The following CSPP1 variants were observed in gnomAD, a reference collection of about 807,000 sequenced individuals.
CSPP1 encodes the protein centrosome and spindle pole-associated protein 1.
A neutral mutation model predicts 164.4 loss-of-function variants in CSPP1; 126 were observed. That is an observed-to-expected ratio of 0.77 (90% CI 0.66 to 0.89). The LOEUF (loss-of-function observed/expected upper bound fraction) is 0.89, where lower values mean the gene tolerates loss of function less well. CSPP1 is among the 40% of genes least tolerant of loss of function. The pLI, the probability that CSPP1 is intolerant of heterozygous loss-of-function variation, is 0.00. For synonymous variants in CSPP1, 472 were observed against 476.7 expected (o/e 0.99, Z 0.13); for missense variants, 1,395 against 1,449.8 (o/e 0.96, Z 0.61).
chr8:67,161,699 A>G (rs1828386374), intron 21 of CSPP1, 112 bp from the exon 22 acceptor site: 3 of 573,832 alleles, frequency 5.2e-6, no homozygotes, highest in Non-Finnish European at 9.2e-6. Context: ...AAAAGCAATA[A>G]CAATCTAAAC....
intron 10 of CSPP1, among the ~76,000 whole-genome samples, chr8:67,113,421 G>A (rs1026810712): frequency 6.6e-5 from 10 of 151,976 alleles, no homozygotes; most frequent in African/African-American, 2.2e-4. Flanking sequence ...CTATTATTAG[G>A]AAGTATGGTA....
At chr8:67,067,087 A>C (rs888880609) in intron 1 of CSPP1, among the ~76,000 whole-genome samples, 2 of 152,196 alleles carry the variant, frequency 1.3e-5, no homozygotes, top group African/African-American at 4.8e-5. Context: ...GCCAGCCTCT[A>C]GCACAATGTC....
intron 1 of CSPP1, among the ~76,000 whole-genome samples, chr8:67,073,321 G>A (rs1271461274): frequency 6.6e-6 from 1 of 152,108 alleles, no homozygotes; most frequent in Non-Finnish European, 1.5e-5. Context: ...TTTCTGGTGA[G>A]AATGCATAAT....
rs1837821807 is a variant in CSPP1 at position 67,195,774 on chromosome 8, TTTATA to T, written c.*183_*187del. ...ATAAATAAAAGGCCATGATTATTGA[TTTATA>T]TAATAGAATTGTATAGATTATTTTT... On this transcript the variant is annotated 3_prime_UTR_variant, in exon 31 of 31. Transcript: ENST00000678616. 2 of 588,926 alleles carry T rather than the reference TTTATA, an allele frequency of 3.4e-6. No homozygotes were observed. The highest frequency in any genetic ancestry group is 6.1e-6 in the Non-Finnish European group (2 of 328,298). The allele number at this position is 588,926 out of a possible 1,614,324, so 36.5% of individuals were successfully genotyped here.
At position 67,118,767 on chromosome 8, in the gene CSPP1, A is replaced by G. The variant is rs369723292; in HGVS notation, c.1643A>G (p.Gln548Arg). The G allele has an allele frequency of 1.2e-5, 19 of 1,612,392 alleles. No individual in the cohort carries two copies. The highest frequency in any genetic ancestry group is 1.5e-5 in the Non-Finnish European group (18 of 1,178,792). ...GATGGTTCAGGAATGATGGGCGTAC[A>G]GCCTGCAGCTTATGTTAGTGCTCCT... ...AYYGSGMMGVQPAAYVSAPVT... is the reference protein window; with the variant it reads ...AYYGSGMMGVRPAAYVSAPVT... Residue 548 changes from glutamine to arginine, a missense_variant, in exon 15 of 31, where the codon CAG becomes CGG. Coordinates refer to ENST00000678616, the MANE Select transcript of CSPP1 (RefSeq NM_001382391.1).
At chr8:67,174,180 G>T (rs1831070341) in intron 25 of CSPP1, 1 of 151,980 alleles carries the variant, frequency 6.6e-6, no homozygotes, top group African/African-American at 2.4e-5. Flanking sequence ...TTGGTGGTTG[G>T]TATTGTTTTT....
chr8:67,081,869 C>T (rs1563504168), intron 3 of CSPP1, among the ~76,000 whole-genome samples: 2 of 152,074 alleles, frequency 1.3e-5, no homozygotes, highest in Non-Finnish European at 2.9e-5. Flanking sequence ...CTCAACCTCT[C>T]GACTAGCTAG....
chr8:67,065,641 G>GTTGGT (rs1301624655), intron 1 of CSPP1: 3 of 369,634 alleles, frequency 8.1e-6, no homozygotes, highest in Non-Finnish European at 1.1e-5. Context: ...TTTTTTGTTT[G>GTTGGT]TTTGTTTTGT....
chr8:67,107,328 G>A (rs1027295709), intron 9 of CSPP1, among the ~76,000 whole-genome samples: 3 of 152,172 alleles, frequency 2.0e-5, no homozygotes, highest in Non-Finnish European at 4.4e-5. Context: ...GATTATAGGC[G>A]TGAGCCACTG....
chr8:67,195,659 A>T lies in CSPP1; in HGVS notation c.*66A>T. 7.1e-7 allele frequency: 1 copy of T among 1,409,578 alleles called. No homozygotes were observed. Among genetic ancestry groups the T allele is most frequent in the Non-Finnish European group, 9.9e-7 (1 of 1,009,562 alleles). The allele number at this position is 1,409,578 out of a possible 1,614,324, so 87.3% of individuals were successfully genotyped here. On this transcript the variant is annotated 3_prime_UTR_variant, in exon 31 of 31. Coordinates refer to ENST00000678616, the MANE Select transcript of CSPP1 (RefSeq NM_001382391.1). ...AAGGAATGGTAAATCTGTACCTTTAATATGTCCTACTTTTGGCCCCTACCT... is the reference window on the plus strand; with the variant it reads ...AAGGAATGGTAAATCTGTACCTTTATTATGTCCTACTTTTGGCCCCTACCT...
intron 30 of CSPP1, among the ~76,000 whole-genome samples, 164 bp downstream of exon 30, chr8:67,193,766 G>A (rs1837092099): frequency 6.6e-6 from 1 of 152,200 alleles, no homozygotes; most frequent in African/African-American, 2.4e-5. Flanking sequence ...CCAGACCTCA[G>A]GATGCAGTTT....
intron 12 of CSPP1, chr8:67,114,909 C>T (rs1271900925): frequency 6.6e-6 from 1 of 152,122 alleles, no homozygotes; most frequent in Non-Finnish European, 1.5e-5. Flanking sequence ...TACGCCTTTA[C>T]TTTTGGGTTT....
chr8:67,072,564 C>T (rs2129540893), intron 1 of CSPP1, among the ~76,000 whole-genome samples: 1 of 152,068 alleles, frequency 6.6e-6, no homozygotes, highest in South Asian at 2.1e-4. Flanking sequence ...GGCTTGGTGG[C>T]TCATGCCTGT....
chr8:67,177,007 G>A (rs775221022), intron 26 of CSPP1, among the ~76,000 whole-genome samples: 7 of 148,256 alleles, frequency 4.7e-5, no homozygotes, highest in Non-Finnish European at 7.4e-5. Flanking sequence ...GGAGGTGGAG[G>A]TTGCAGAGAG....
chr8:67,137,409 C>T, intron 16 of CSPP1, 47 bp from the exon 17 acceptor site: 6 of 1,276,014 alleles, frequency 4.7e-6, no homozygotes, highest in East Asian at 2.8e-5. Flanking sequence ...CTTCTTGTAT[C>T]AGAATACTTG....
chr8:67,113,069 C>A (rs1015480103), intron 10 of CSPP1, among the ~76,000 whole-genome samples: 1 of 152,150 alleles, frequency 6.6e-6, no homozygotes, highest in Non-Finnish European at 1.5e-5. Flanking sequence ...CACGGTGAAA[C>A]CCCGTCTCTA....
At chr8:67,188,070 A>G (rs1322742866) in intron 28 of CSPP1, among the ~76,000 whole-genome samples, 1 of 152,242 alleles carries the variant, frequency 6.6e-6, no homozygotes, top group African/African-American at 2.4e-5. Context: ...TCTATAAAAG[A>G]CACTGTTAAT....
rs141258857 is a variant in CSPP1 at position 67,152,489 on chromosome 8, A to G, written c.2129-1535A>G. Among the ~76,000 whole-genome samples the G allele has an allele frequency of 1.9e-3, 285 of 152,350 alleles. 4 individuals are homozygous for G. Among genetic ancestry groups the G allele is most frequent in the African/African-American group, 6.6e-3 (274 of 41,578 alleles). On this transcript the variant is annotated intron_variant, in intron 18 of 30. Coordinates refer to ENST00000678616, the MANE Select transcript of CSPP1 (RefSeq NM_001382391.1). ...TTTTGGCTTATTATCATGCCAAGAT[A>G]CATTTCTGCTTTCTTTGTATATAGC...
chr8:67,091,860 A>C lies in CSPP1; in HGVS notation c.361A>C (p.Ile121Leu). The change falls in exon 5 of 31, where the codon ATT becomes CTT. Residue 121 changes from isoleucine (I) to leucine (L), a missense_variant. Physicochemically the swap from Ile to Leu is conservative, Grantham distance 5. Coordinates refer to ENST00000678616, the MANE Select transcript of CSPP1 (RefSeq NM_001382391.1). ...DPSTLGVSLPIGERLSAKERL... is the reference protein window; with the variant it reads ...DPSTLGVSLPLGERLSAKERL... ...ATCTACTTTGGGAGTTTCTCTTCCT[A>C]TTGGTGAGAGGTTATCTGCTAAGGT... is the stretch of plus-strand genomic sequence containing the variant. The C allele has an allele frequency of 7.4e-7, 1 of 1,348,168 alleles. No individual in the cohort carries two copies. Among genetic ancestry groups the C allele is most frequent in the Non-Finnish European group, 9.9e-7 (1 of 1,011,442 alleles). 83.5% of individuals were successfully genotyped at this position (1,348,168 alleles called of 1,614,324 possible).
Sources: gnomAD v4.1 joint callset for allele counts (sites outside exome capture counted in the v4.1 genomes callset) on GRCh38, gnomAD v4.1.1 for gene constraint, MANE v1.5 for transcripts, NCBI Gene and HGNC (gene_info 2026-07-23, HGNC 2026-07-21) for gene names.